CSMD1: variants seen among roughly 807,000 people sequenced by gnomAD.
CSMD1 encodes CUB and sushi domain-containing protein 1.
CSMD1 carries 213 observed loss-of-function variants against 417.5 expected under a neutral mutation model. That is an observed-to-expected ratio of 0.51 (90% CI 0.46 to 0.57). The LOEUF (loss-of-function observed/expected upper bound fraction) is 0.57, where lower values mean the gene tolerates loss of function less well. Among genes scored for constraint, CSMD1 ranks in the 20% least tolerant of loss-of-function variants. CSMD1 has a pLI of 0.00. For missense variants in CSMD1, 6,923 were observed against 4,529.7 expected, an observed-to-expected ratio of 1.53 and a Z score of -15.17; for synonymous variants, 2,862 against 1,736.8, an observed-to-expected ratio of 1.65 and a Z score of -16.11.
intron 7 of CSMD1, among the ~76,000 whole-genome samples, chr8:3,665,745 T>C (rs1585041342): frequency 1.4e-5 from 2 of 147,584 alleles, no homozygotes. Context: ...CATTAAAATA[T>C]AGGAAGGTGT....
chr8:3,728,643 G>A (rs181606620), intron 6 of CSMD1, among the ~76,000 whole-genome samples: 36 of 152,282 alleles, frequency 2.4e-4, no homozygotes, highest in South Asian at 1.0e-3. Context: ...TGGAGCAGTC[G>A]TGTGGGGAGC....
intron 23 of CSMD1, among the ~76,000 whole-genome samples, chr8:3,329,442 A>T (rs1371134423): frequency 6.6e-6 from 1 of 152,132 alleles, no homozygotes; most frequent in African/African-American, 2.4e-5. Context: ...GTTCCACATT[A>T]CAGGGGAGCA....
intron 10 of CSMD1, among the ~76,000 whole-genome samples, chr8:3,495,640 G>A (rs28444261): frequency 1.3e-5 from 2 of 152,084 alleles, no homozygotes; most frequent in Non-Finnish European, 2.9e-5. Context: ...TTTGTCATAT[G>A]GCATTTTACA....
At chr8:3,188,687 ATGGTTAGAAAT>A (rs1563125632) in intron 35 of CSMD1, among the ~76,000 whole-genome samples, 189 bp downstream of exon 35, 2 of 152,006 alleles carry the variant, frequency 1.3e-5, no homozygotes, top group Non-Finnish European at 2.9e-5. Context: ...ATATAGAAAA[ATGGTTAGAAAT>A]ATTTTGTTGA....
intron 52 of CSMD1, among the ~76,000 whole-genome samples, chr8:3,003,312 C>G (rs1807579430): frequency 6.6e-6 from 1 of 152,092 alleles, no homozygotes; most frequent in Non-Finnish European, 1.5e-5. Flanking sequence ...ATTCTATATG[C>G]TTTGTATGTG....
At position 3,399,595 on chromosome 8, in the gene CSMD1, G is replaced by A. The variant is rs186373993; in HGVS notation, c.2267-66C>T. On this transcript the variant is annotated intron_variant, in intron 15 of 69. Transcript: ENST00000635120. ...AGAAGGATATGCCATAACAATACCC[G>A]GATAAAAGCCAGAATCTGCTTCTGT... 147 of 1,246,444 alleles carry A rather than the reference G, an allele frequency of 1.2e-4. No individual in the cohort carries two copies. In the African/African-American group the frequency reaches 1.5e-3, roughly 13 times the overall value. The allele number at this position is 1,246,444 out of a possible 1,614,324, so 77.2% of individuals were successfully genotyped here. A position where few individuals can be genotyped will look rare whatever the true frequency, so the allele number is the denominator to read the frequency against.
chr8:4,399,361 G>T (rs188271656), intron 3 of CSMD1, among the ~76,000 whole-genome samples: 7 of 152,148 alleles, frequency 4.6e-5, no homozygotes, highest in Non-Finnish European at 7.4e-5. Context: ...CTAAATTACA[G>T]AATAAAATAA....
At chr8:4,143,940 G>A (rs10102285) in intron 3 of CSMD1, among the ~76,000 whole-genome samples, 16,023 of 151,246 alleles carry the variant, frequency 0.11, 1,132 homozygotes, top group South Asian at 0.2. Flanking sequence ...TGCAGATGAA[G>A]GGATGGCCAG....
chr8:4,609,210 G>C (rs1275976694), intron 2 of CSMD1, among the ~76,000 whole-genome samples: 1 of 152,100 alleles, frequency 6.6e-6, no homozygotes, highest in Non-Finnish European at 1.5e-5. Context: ...GACCAGCCTG[G>C]ACAAGATGGT....
At chr8:4,620,417 A>C (rs2616975) in intron 2 of CSMD1, among the ~76,000 whole-genome samples, 92,768 of 151,230 alleles carry the variant, frequency 0.61, 29,116 homozygotes, top group African/African-American at 0.74. Context: ...AAATAATTTG[A>C]CCAGAGTCTA....
chr8:4,138,663 A>T (rs956967178), intron 3 of CSMD1, among the ~76,000 whole-genome samples: 1 of 152,282 alleles, frequency 6.6e-6, no homozygotes, highest in African/African-American at 2.4e-5. Context: ...TCAAAGTATT[A>T]TTTCTATTTT....
At chr8:4,506,441 C>T (rs773967639) in intron 2 of CSMD1, among the ~76,000 whole-genome samples, 2 of 152,130 alleles carry the variant, frequency 1.3e-5, no homozygotes, top group Non-Finnish European at 2.9e-5. Flanking sequence ...GCCCAGCAAA[C>T]TTCCCACTCC....
chr8:3,309,177 C>G (rs369463798), intron 23 of CSMD1, among the ~76,000 whole-genome samples: 1 of 152,160 alleles, frequency 6.6e-6, no homozygotes, highest in Non-Finnish European at 1.5e-5. Context: ...ACAACCTAGA[C>G]CTCCAAGGAA....
At chr8:3,365,646 A>C (rs929929910) in intron 20 of CSMD1, among the ~76,000 whole-genome samples, 3 of 152,226 alleles carry the variant, frequency 2.0e-5, no homozygotes, top group Non-Finnish European at 1.5e-5. Flanking sequence ...ATGAAAGCAC[A>C]AAATATATGT....
At chr8:4,584,807 G>C (rs1171703553) in intron 2 of CSMD1, among the ~76,000 whole-genome samples, 1 of 152,074 alleles carries the variant, frequency 6.6e-6, no homozygotes, top group Non-Finnish European at 1.5e-5. Flanking sequence ...TCTAAAAATT[G>C]CTACCTGTCT....
chr8:3,987,794 G>A (rs1359248532), intron 5 of CSMD1, among the ~76,000 whole-genome samples: 1 of 152,228 alleles, frequency 6.6e-6, no homozygotes, highest in African/African-American at 2.4e-5. Context: ...GCCACGTCAA[G>A]AAGCATAGCC....
At chr8:3,195,464 C>G (rs1289828522) in intron 33 of CSMD1, among the ~76,000 whole-genome samples, 1 of 152,246 alleles carries the variant, frequency 6.6e-6, no homozygotes, top group Non-Finnish European at 1.5e-5. Context: ...ATGGCCTCTT[C>G]TAATCCTGGA....
intron 2 of CSMD1, among the ~76,000 whole-genome samples, chr8:4,600,389 CA>C (rs1490639050): frequency 6.6e-6 from 1 of 152,032 alleles, no homozygotes; most frequent in Non-Finnish European, 1.5e-5. Context: ...CTATTAAGAC[CA>C]ATATGAAAGC....
chr8:3,873,186 A>G (rs1805596395), intron 5 of CSMD1, among the ~76,000 whole-genome samples: 1 of 152,224 alleles, frequency 6.6e-6, no homozygotes, highest in Admixed American at 6.5e-5. Context: ...CATTCAAGCC[A>G]GCAATCCCTT....
Sources: allele counts gnomAD v4.1 joint callset (sites outside exome capture counted in the v4.1 genomes callset), GRCh38; gene constraint gnomAD v4.1.1; transcripts MANE v1.5; gene names NCBI Gene and HGNC (gene_info 2026-07-23, HGNC 2026-07-21).